TESMIN: variants seen among roughly 807,000 people sequenced by gnomAD.
TESMIN encodes testis expressed metallothionein like protein.
Under a neutral mutation model 47.4 loss-of-function variants are expected in TESMIN, and 34 were observed. That is an observed-to-expected ratio of 0.72 (90% confidence interval 0.55 to 0.96). The LOEUF (loss-of-function observed/expected upper bound fraction) is 0.96, where lower values mean the gene tolerates loss of function less well. TESMIN is among the 40% of genes least tolerant of loss of function. TESMIN has a pLI of 0.00. For synonymous variants in TESMIN, 278 were observed against 258.9 expected, an observed-to-expected ratio of 1.07 and a Z score of -0.71; for missense variants, 610 against 637.2, an observed-to-expected ratio of 0.96 and a Z score of 0.46.
At chr11:68,749,629 A>G (rs1441468479) in intron 2 of TESMIN, among the ~76,000 whole-genome samples, 2 of 152,156 alleles carry the variant, frequency 1.3e-5, no homozygotes. Flanking sequence ...TCTGATTTAC[A>G]TTGCATATGC....
At chr11:68,738,916 A>G in intron 5 of TESMIN, 128 bp from the exon 6 acceptor site, 2 of 748,250 alleles carry the variant, frequency 2.7e-6, no homozygotes, top group Non-Finnish European at 4.3e-6. Flanking sequence ...CTTTATAACC[A>G]TGTCTGGCCT....
At chr11:68,740,892 C>T (rs1056505998) in intron 5 of TESMIN, among the ~76,000 whole-genome samples, 6 of 152,100 alleles carry the variant, frequency 3.9e-5, no homozygotes, top group South Asian at 4.1e-4. Context: ...TATATCCAAA[C>T]GGAACTCCTG....
intron 6 of TESMIN, chr11:68,737,476 C>CT: frequency 2.0e-6 from 2 of 985,722 alleles, no homozygotes; most frequent in Non-Finnish European, 2.4e-6. Context: ...TCTCCTCACA[C>CT]TTACCAAGGC....
At chr11:68,749,680 T>C (rs1257101082) in intron 2 of TESMIN, among the ~76,000 whole-genome samples, 4 of 152,080 alleles carry the variant, frequency 2.6e-5, no homozygotes, top group South Asian at 2.1e-4. Context: ...AGATCTCACA[T>C]CTTGACTTCA....
chr11:68,717,345 C>T (rs1353294830), intron 6 of TESMIN, among the ~76,000 whole-genome samples: 1 of 152,086 alleles, frequency 6.6e-6, no homozygotes, highest in Non-Finnish European at 1.5e-5. Context: ...GTGCAGCAGA[C>T]AGGAGACAAA....
At chr11:68,717,899 C>T (rs989371925) in intron 6 of TESMIN, among the ~76,000 whole-genome samples, 6 of 152,260 alleles carry the variant, frequency 3.9e-5, no homozygotes, top group African/African-American at 1.4e-4. Context: ...ATTGTTGAGA[C>T]CCCTAGGTTT....
Position 68,724,160 on chromosome 11 carries a change from C to A in TESMIN, c.918-8221G>T, listed in dbSNP as rs114995167. ...AAAAATCCTAAAGAGCGAAATCTTA[C>A]AGTACATAATAATCAAATTGGGCTT... On this transcript the variant is annotated intron_variant, in intron 6 of 9. Transcript: ENST00000255087. Among the ~76,000 whole-genome samples the A allele has an allele frequency of 5.8e-3, 881 of 152,262 alleles. 10 individuals carry two copies. The highest frequency in any genetic ancestry group is 0.02 in the African/African-American group (821 of 41,522).
intron 6 of TESMIN, among the ~76,000 whole-genome samples, chr11:68,723,452 G>A (rs866752082): frequency 7.3e-6 from 1 of 136,290 alleles, no homozygotes; most frequent in Non-Finnish European, 1.5e-5. Context: ...ACAGCTTTAA[G>A]TGCATTTCCT....
At chr11:68,726,827 C>T (rs1366205260) in intron 6 of TESMIN, among the ~76,000 whole-genome samples, 1 of 152,088 alleles carries the variant, frequency 6.6e-6, no homozygotes, top group Non-Finnish European at 1.5e-5. Context: ...CCTGTAATCC[C>T]AGCACTTTGG....
At chr11:68,747,430 AT>A in intron 2 of TESMIN, 64 bp from the exon 3 acceptor site, 1 of 1,421,962 alleles carries the variant, frequency 7.0e-7, no homozygotes, top group South Asian at 1.2e-5. Flanking sequence ...CAGTTGCATA[AT>A]TTAGAAAATT....
In TESMIN at chr11:68,715,852, C is replaced by T. The variant is rs774837240; in HGVS notation, c.1005G>A (p.Arg335=). The change falls in exon 7 of 10, where the codon CGG becomes CGA. Residue 335 remains arginine, a synonymous_variant. Coordinates refer to ENST00000255087, the MANE Select transcript of TESMIN (RefSeq NM_004923.3). Reference sequence around the variant, plus strand: ...CATTTATTACCTTAATGGCTTTAAACCGTTCAATATCATGATGCAAGTTGT... The same window carrying T: ...CATTTATTACCTTAATGGCTTTAAATCGTTCAATATCATGATGCAAGTTGT... ...CCNNLHHDIE[R]FKAIKACLGR... 5 of 1,605,850 alleles carry T rather than the reference C, an allele frequency of 3.1e-6. No homozygotes were observed. In the South Asian group the frequency reaches 5.5e-5, roughly 18 times the overall value.
intron 4 of TESMIN, among the ~76,000 whole-genome samples, chr11:68,744,079 G>A (rs1461540405): frequency 6.6e-6 from 1 of 152,198 alleles, no homozygotes; most frequent in Non-Finnish European, 1.5e-5. Context: ...CTTCTTCACT[G>A]TGAAAAGAGT....
At chr11:68,706,534 C>G (rs1945999846), downstream of TESMIN, among the ~76,000 whole-genome samples, 2 of 152,228 alleles carry the variant, frequency 1.3e-5, no homozygotes, top group African/African-American at 4.8e-5. Context: ...TGCTGGAGGA[C>G]ATTGTTCCCT....
intron 9 of TESMIN, among the ~76,000 whole-genome samples, chr11:68,710,166 A>G (rs1261233696): frequency 6.6e-6 from 1 of 152,182 alleles, no homozygotes; most frequent in Admixed American, 6.5e-5. Flanking sequence ...TCTCAAAAAA[A>G]AGACCCCTGT....
At chr11:68,722,971 T>A (rs1946220301) in intron 6 of TESMIN, among the ~76,000 whole-genome samples, 1 of 152,130 alleles carries the variant, frequency 6.6e-6, no homozygotes, top group Admixed American at 6.6e-5. Context: ...AAGTGAGGGA[T>A]CTCAACACAT....
intron 7 of TESMIN, among the ~76,000 whole-genome samples, chr11:68,715,570 T>G (rs1946127064): frequency 6.6e-6 from 1 of 152,194 alleles, no homozygotes; most frequent in Non-Finnish European, 1.5e-5. Flanking sequence ...CATTCGCATG[T>G]TCTTGAATCA....
intron 9 of TESMIN, among the ~76,000 whole-genome samples, chr11:68,709,159 A>C (rs1225213066): frequency 6.6e-6 from 1 of 152,162 alleles, no homozygotes; most frequent in Non-Finnish European, 1.5e-5. Flanking sequence ...CGTTTTTGAC[A>C]TGCCTCTCAT....
chr11:68,745,113 T>G lies in TESMIN; in HGVS notation c.631-2A>C, dbSNP rs1305876523. ...GCCCCCTTTCAATTGGCATATCACC[T>G]AAAATGAAAAAGAACAATCAGGTTT... On this transcript the variant is annotated splice_acceptor_variant, in intron 3 of 9. Coordinates refer to ENST00000255087, the MANE Select transcript of TESMIN (RefSeq NM_004923.3). LOFTEE classifies it high-confidence loss of function. 1.1e-5 allele frequency: 17 copies of G among 1,574,876 alleles called. No homozygotes were observed. Among genetic ancestry groups the G allele is most frequent in the Non-Finnish European group, 1.5e-5 (17 of 1,170,146 alleles).
intron 3 of TESMIN, 59 bp downstream of exon 3, chr11:68,747,149 T>C (rs1214755897): frequency 1.3e-6 from 2 of 1,543,076 alleles, no homozygotes; most frequent in Middle Eastern, 1.7e-4. Context: ...GACTTAGTAA[T>C]GATGGGGTCC....
Sources: gnomAD v4.1 joint callset for allele counts (sites outside exome capture counted in the v4.1 genomes callset) on GRCh38, gnomAD v4.1.1 for gene constraint, MANE v1.5 for transcripts, NCBI Gene and HGNC (gene_info 2026-07-23, HGNC 2026-07-21) for gene names.